Variants in USH2A observed in about 807,000 individuals in gnomAD.
USH2A encodes usherin.
In USH2A, 443 loss-of-function variants were observed where a neutral mutation model predicts 538.9. The observed-to-expected ratio is 0.82, with a 90% CI of 0.76 to 0.89. The LOEUF (loss-of-function observed/expected upper bound fraction) is 0.89. Among genes scored for constraint, USH2A ranks in the 40% least tolerant of loss-of-function variants. The pLI, the probability that USH2A is intolerant of heterozygous loss-of-function variation, is 0.00. For missense variants in USH2A, 6,633 were observed against 6,324.8 expected, an observed-to-expected ratio of 1.05 and a Z score of -1.65; for synonymous variants, 2,413 against 2,273.5, an observed-to-expected ratio of 1.06 and a Z score of -1.75.
intron 61 of USH2A, among the ~76,000 whole-genome samples, chr1:215,705,857 A>G (rs1190741734): frequency 6.6e-6 from 1 of 152,150 alleles, no homozygotes; most frequent in East Asian, 1.9e-4. Flanking sequence ...TGCACACATA[A>G]CTCTTCTGAA....
intron 61 of USH2A, among the ~76,000 whole-genome samples, chr1:215,684,419 G>A (rs1162034015): frequency 2.0e-5 from 3 of 152,170 alleles, no homozygotes; most frequent in African/African-American, 7.2e-5. Flanking sequence ...GTCAATAAAA[G>A]GCTGTGTGGG....
chr1:216,224,532 G>T (rs1353174990), intron 14 of USH2A, among the ~76,000 whole-genome samples: 1 of 152,086 alleles, frequency 6.6e-6, no homozygotes, highest in Admixed American at 6.6e-5. Flanking sequence ...TTTCTGGTCA[G>T]TAACTTTTGA....
At chr1:216,295,771 C>T (rs1057015484) in intron 9 of USH2A, among the ~76,000 whole-genome samples, 1 of 151,932 alleles carries the variant, frequency 6.6e-6, no homozygotes, top group African/African-American at 2.4e-5. Context: ...CTCTGTTTAT[C>T]CAAGATAATG....
At chr1:216,047,055 C>G (rs1195896550) in intron 31 of USH2A, among the ~76,000 whole-genome samples, 1 of 152,054 alleles carries the variant, frequency 6.6e-6, no homozygotes, top group African/African-American at 2.4e-5. Context: ...CATATGAAAA[C>G]TTTAGTGCAT....
At chr1:216,050,027 A>C (rs1219016788) in intron 30 of USH2A, among the ~76,000 whole-genome samples, 1 of 152,224 alleles carries the variant, frequency 6.6e-6, no homozygotes, top group Non-Finnish European at 1.5e-5. Flanking sequence ...CTCGTGTCAG[A>C]ACCTCCTGCT....
intron 47 of USH2A, among the ~76,000 whole-genome samples, chr1:215,835,124 G>A (rs1216516670): frequency 1.6e-5 from 1 of 63,620 alleles, no homozygotes; most frequent in Non-Finnish European, 2.9e-5. Flanking sequence ...CATGTCTTTT[G>A]TTTATTTTGG....
At chr1:215,959,049 T>G (rs1667136680) in intron 37 of USH2A, among the ~76,000 whole-genome samples, 1 of 152,160 alleles carries the variant, frequency 6.6e-6, no homozygotes, top group South Asian at 2.1e-4. Context: ...GATCTCCTCC[T>G]TGGAGCCAGA....
At chr1:215,698,852 C>T (rs536473483) in intron 61 of USH2A, among the ~76,000 whole-genome samples, 2 of 152,280 alleles carry the variant, frequency 1.3e-5, no homozygotes, top group East Asian at 1.9e-4. Context: ...TCAATATTAG[C>T]TTTTGTTGCC....
chr1:216,105,884 A>G (rs2032718516), intron 21 of USH2A, among the ~76,000 whole-genome samples: 1 of 151,782 alleles, frequency 6.6e-6, no homozygotes, highest in Non-Finnish European at 1.5e-5. Context: ...ACTTTGTTTA[A>G]ATTGTTTATT....
Position 215,759,666 on chromosome 1 carries a change from T to C in USH2A, c.11225A>G (p.Asn3742Ser), listed in dbSNP as rs139921272. ...AAGTTTTCTTTTAGTTTACCTGCTATTGGGCTCCAGGTTTTTATCAGTGAA... is the reference window on the plus strand; with the variant it reads ...AAGTTTTCTTTTAGTTTACCTGCTACTGGGCTCCAGGTTTTTATCAGTGAA... ...QNFTDKNLEP[N>S]SRYTYKLEVK... is the part of the protein sequence containing the mutation. The change falls in exon 57 of 72, where the codon AAT becomes AGT. Residue 3742 changes from asparagine (N) to serine (S), a missense_variant. Coordinates refer to ENST00000307340, the MANE Select transcript of USH2A (RefSeq NM_206933.4). The C allele has an allele frequency of 1.1e-4, 182 of 1,613,996 alleles. No homozygotes were observed. The African/African-American group carries it at 2.1e-3, about 18-fold the overall frequency.
At chr1:216,088,715 TG>T (rs547895618) in intron 23 of USH2A, among the ~76,000 whole-genome samples, 280 of 152,312 alleles carry the variant, frequency 1.8e-3, no homozygotes, top group Non-Finnish European at 3.4e-3. Context: ...ATGTGTTTTT[TG>T]GAAGTCAAAA....
intron 58 of USH2A, among the ~76,000 whole-genome samples, chr1:215,754,879 T>C (rs979726922): frequency 1.3e-4 from 20 of 152,170 alleles, no homozygotes; most frequent in Non-Finnish European, 2.5e-4. Flanking sequence ...TCACATCTAT[T>C]CCTTTTAGAT....
At chr1:216,139,607 T>C (rs1480127356) in intron 21 of USH2A, among the ~76,000 whole-genome samples, 3 of 152,104 alleles carry the variant, frequency 2.0e-5, no homozygotes, top group Non-Finnish European at 2.9e-5. Context: ...GACCATAGTG[T>C]TGATGTTTAT....
intron 8 of USH2A, 66 bp downstream of exon 8, chr1:216,323,408 C>G (rs549115764): frequency 6.6e-7 from 1 of 1,519,482 alleles, no homozygotes; most frequent in Admixed American, 1.7e-5. Flanking sequence ...GCTCTGACAT[C>G]TTAATGTGCT....
chr1:215,696,909 T>A (rs1351742197), intron 61 of USH2A, among the ~76,000 whole-genome samples: 1 of 152,092 alleles, frequency 6.6e-6, no homozygotes, highest in African/African-American at 2.4e-5. Flanking sequence ...AGTGAGAGGA[T>A]GCCGTGGTCA....
chr1:216,191,105 T>C (rs973284930), intron 19 of USH2A, among the ~76,000 whole-genome samples: 3 of 152,028 alleles, frequency 2.0e-5, no homozygotes, highest in Non-Finnish European at 4.4e-5. Flanking sequence ...TAATTTGAAG[T>C]GATCAAAAGC....
intron 21 of USH2A, among the ~76,000 whole-genome samples, chr1:216,103,547 C>T (rs2032644335): frequency 6.6e-6 from 1 of 152,064 alleles, no homozygotes; most frequent in Non-Finnish European, 1.5e-5. Context: ...GAAAATTTTG[C>T]CTTCCAAAAT....
intron 9 of USH2A, among the ~76,000 whole-genome samples, chr1:216,299,945 T>A (rs977331260): frequency 1.3e-5 from 2 of 152,194 alleles, no homozygotes; most frequent in Non-Finnish European, 2.9e-5. Context: ...TATTTGGGTC[T>A]TTGATCCTAA....
intron 4 of USH2A, among the ~76,000 whole-genome samples, chr1:216,341,664 C>T (rs2038078603): frequency 6.6e-6 from 1 of 152,086 alleles, no homozygotes; most frequent in Non-Finnish European, 1.5e-5. Flanking sequence ...ACCAATGGAA[C>T]AGGTCAGAGA....
Sources: allele counts gnomAD v4.1 joint callset (sites outside exome capture counted in the v4.1 genomes callset), GRCh38; gene constraint gnomAD v4.1.1; transcripts MANE v1.5; gene names NCBI Gene and HGNC (gene_info 2026-07-23, HGNC 2026-07-21).